The following COL8A1 variants were observed in gnomAD, a reference collection of about 807,000 sequenced individuals.
COL8A1 encodes the protein collagen alpha-1(VIII) chain.
COL8A1 carries 21 observed loss-of-function variants against 42.7 expected under a neutral mutation model. That is an observed-to-expected ratio of 0.49 (90% CI 0.35 to 0.71). COL8A1 has a LOEUF of 0.71. Among genes scored for constraint, COL8A1 ranks in the 30% least tolerant of loss-of-function variants. The pLI is 0.01. For synonymous variants in COL8A1, 367 were observed against 369.1 expected (o/e 0.99, Z 0.06); for missense variants, 788 against 962.4 (o/e 0.82, Z 2.40).
At chr3:99,771,590 C>G (rs1054504250) in intron 2 of COL8A1, among the ~76,000 whole-genome samples, 2 of 152,148 alleles carry the variant, frequency 1.3e-5, no homozygotes, top group Admixed American at 6.5e-5. Context: ...GTGCTTTCTG[C>G]AAAACAGTCA....
At chr3:99,643,222 T>G (rs1937543913) in intron 1 of COL8A1, among the ~76,000 whole-genome samples, 1 of 152,210 alleles carries the variant, frequency 6.6e-6, no homozygotes, top group Admixed American at 6.5e-5. Context: ...TTGACTATGC[T>G]GAGCATTCCG....
intron 1 of COL8A1, among the ~76,000 whole-genome samples, chr3:99,680,766 G>GCATGGT (rs1409379232): frequency 1.3e-5 from 2 of 152,210 alleles, no homozygotes; most frequent in Non-Finnish European, 2.9e-5. Flanking sequence ...AACCAAAACA[G>GCATGGT]CATGGTACTG....
At position 99,790,869 on chromosome 3, in the gene COL8A1, T is replaced by C; in HGVS notation, c.187T>C (p.Leu63=). Residue 63 remains leucine, a synonymous_variant, in exon 3 of 4, where the codon TTG becomes CTG. Coordinates refer to ENST00000652472, the MANE Select transcript of COL8A1 (RefSeq NM_020351.4). ...PLGQQVPHMP[L]AKDGLAMGKE... ...GGGTCAGCAAGTACCTCACATGCCT[T>C]TGGCCAAAGATGGCCTTGCCATGGG... is the stretch of plus-strand genomic sequence containing the variant. The C allele has an allele frequency of 1.9e-6, 3 of 1,614,276 alleles. No individual in the cohort carries two copies. The highest frequency in any genetic ancestry group is 2.5e-6 in the Non-Finnish European group (3 of 1,180,050).
chr3:99,788,018 AT>A (rs1225686000), intron 2 of COL8A1, among the ~76,000 whole-genome samples: 1 of 152,170 alleles, frequency 6.6e-6, no homozygotes, highest in East Asian at 1.9e-4. Context: ...CCCAGCAAAA[AT>A]TCCAAGGCTC....
intron 1 of COL8A1, among the ~76,000 whole-genome samples, chr3:99,698,197 T>G (rs892765545): frequency 1.2e-4 from 18 of 152,264 alleles, no homozygotes; most frequent in Non-Finnish European, 7.3e-5. Context: ...GTGCCACATT[T>G]TCTTAATCCG....
chr3:99,727,818 G>C (rs1378751471), intron 1 of COL8A1, among the ~76,000 whole-genome samples: 4 of 151,986 alleles, frequency 2.6e-5, no homozygotes, highest in African/African-American at 9.7e-5. Context: ...TCATCCCTGG[G>C]ATGCAAGGCT....
chr3:99,661,266 A>G (rs1938196765), intron 1 of COL8A1, among the ~76,000 whole-genome samples: 1 of 152,236 alleles, frequency 6.6e-6, no homozygotes, highest in South Asian at 2.1e-4. Context: ...CAACAACAAC[A>G]AAAAGAAACA....
chr3:99,705,919 AAT>A (rs1939669323), intron 1 of COL8A1, among the ~76,000 whole-genome samples: 1 of 152,290 alleles, frequency 6.6e-6, no homozygotes, highest in Admixed American at 6.5e-5. Context: ...CCTACTTTTA[AAT>A]GTCAATTTTT....
rs181756171 is a variant in COL8A1 at position 99,795,705 on chromosome 3, G to T, written c.1804G>T (p.Gly602Trp). The change falls in exon 4 of 4, where the codon GGG becomes TGG. Residue 602 changes from glycine (G) to tryptophan (W), a missense_variant. By Grantham distance (184) the Gly-to-Trp change is radical. Transcript: ENST00000652472. The part of the protein sequence containing the change: ...IDGVKPPHAY[G>W]AKKGKNGGPA... Reference sequence around the variant, plus strand: ...TGGCGTGAAACCCCCCCATGCCTACGGGGCTAAGAAAGGCAAGAATGGAGG... The same window carrying T: ...TGGCGTGAAACCCCCCCATGCCTACTGGGCTAAGAAAGGCAAGAATGGAGG... 1.9e-6 allele frequency: 3 copies of T among 1,613,954 alleles called. No individual in the cohort carries two copies. The African/African-American group carries it at 4.0e-5, about 22-fold the overall frequency.
intron 1 of COL8A1, among the ~76,000 whole-genome samples, chr3:99,690,549 C>T (rs1576432225): frequency 6.6e-6 from 1 of 152,160 alleles, no homozygotes; most frequent in Admixed American, 6.5e-5. Flanking sequence ...TTAATCACTG[C>T]CTTGCACCCC....
At chr3:99,725,266 C>A (rs1940272952) in intron 1 of COL8A1, among the ~76,000 whole-genome samples, 1 of 152,098 alleles carries the variant, frequency 6.6e-6, no homozygotes, top group African/African-American at 2.4e-5. Context: ...GCTGAGTTCA[C>A]CCACTGCCAT....
At chr3:99,730,368 C>T (rs1313223338) in intron 1 of COL8A1, among the ~76,000 whole-genome samples, 1 of 152,048 alleles carries the variant, frequency 6.6e-6, no homozygotes, top group Non-Finnish European at 1.5e-5. Context: ...AAACTCCTGC[C>T]TGATCATCTG....
At position 99,794,442 on chromosome 3, in the gene COL8A1, A is replaced by G; in HGVS notation, c.541A>G (p.Ile181Val). 1.2e-6 allele frequency: 2 copies of G among 1,613,930 alleles called. No homozygotes were observed. Among genetic ancestry groups the G allele is most frequent in the Non-Finnish European group, 1.7e-6 (2 of 1,179,924 alleles). ...GGGCATGCCTGGGGCAAAAGGAGAA[A>G]TTGGACAGAAAGGGGAAATTGGGCC... Reference protein sequence around the residue: ...AMGMPGAKGEIGQKGEIGPMG... With the variant: ...AMGMPGAKGEVGQKGEIGPMG... The change falls in exon 4 of 4, where the codon ATT becomes GTT. Residue 181 changes from isoleucine (I) to valine (V), a missense_variant. Around this residue, in one of 4 missense-constraint regions of COL8A1, gnomAD observed 421 missense variants for 553.1 expected, o/e 0.76. Coordinates refer to ENST00000652472, the MANE Select transcript of COL8A1 (RefSeq NM_020351.4). This position sits in a 1 kb window ranked among gnomAD's most constrained non-coding sequence, Gnocchi z 4.3.
intron 1 of COL8A1, among the ~76,000 whole-genome samples, chr3:99,702,124 A>G (rs1318532749): frequency 6.6e-6 from 1 of 152,172 alleles, no homozygotes; most frequent in Non-Finnish European, 1.5e-5. Context: ...ATCCACTCTT[A>G]GATATTCTGA....
At chr3:99,700,049 C>T (rs1939490494) in intron 1 of COL8A1, among the ~76,000 whole-genome samples, 1 of 152,138 alleles carries the variant, frequency 6.6e-6, no homozygotes, top group Non-Finnish European at 1.5e-5. Context: ...AAAAGGCAGA[C>T]TCCAATGCAG....
At chr3:99,789,285 T>C (rs1363454654) in intron 2 of COL8A1, among the ~76,000 whole-genome samples, 4 of 152,160 alleles carry the variant, frequency 2.6e-5, no homozygotes, top group Admixed American at 2.6e-4. Context: ...AGAAAACAAC[T>C]CTCAAGAAGA....
chr3:99,729,326 T>C (rs1174045452), intron 1 of COL8A1, among the ~76,000 whole-genome samples: 4 of 152,042 alleles, frequency 2.6e-5, no homozygotes, highest in Non-Finnish European at 5.9e-5. Context: ...TCCAAACTAA[T>C]AGAATCCAAA....
intron 1 of COL8A1, among the ~76,000 whole-genome samples, chr3:99,642,757 T>G (rs1937530448): frequency 6.6e-6 from 1 of 152,228 alleles, no homozygotes; most frequent in Non-Finnish European, 1.5e-5. Flanking sequence ...CACTCATACT[T>G]GTGGCTTCTC....
intron 1 of COL8A1, among the ~76,000 whole-genome samples, chr3:99,669,144 T>G (rs868421985): frequency 0.087 from 8,717 of 99,964 alleles, 781 homozygotes; most frequent in African/African-American, 0.22. Flanking sequence ...TATATATATA[T>G]ATAGAGGGAG....
Sources: allele counts gnomAD v4.1 joint callset (sites outside exome capture counted in the v4.1 genomes callset), GRCh38; gene constraint gnomAD v4.1.1; regional missense constraint gnomAD v4.1.1; non-coding constraint Gnocchi (gnomAD v3.1); transcripts MANE v1.5; gene names NCBI Gene and HGNC (gene_info 2026-07-23, HGNC 2026-07-21).